LAMA3: variants seen among roughly 807,000 people sequenced by gnomAD.
LAMA3 encodes the protein laminin subunit alpha 3.
A neutral mutation model predicts 402.0 loss-of-function variants in LAMA3; 281 were observed. The observed-to-expected ratio is 0.70, with a 90% CI of 0.63 to 0.77. LAMA3 has a LOEUF of 0.77. Ranked by LOEUF, LAMA3 falls within the 30% of genes least tolerant of loss-of-function variation. The probability of loss-of-function intolerance (pLI) is 0.00; values close to 1 mark genes in which losing one functional copy is unlikely to be tolerated. For synonymous variants in LAMA3, 1,431 were observed against 1,558.4 expected, an observed-to-expected ratio of 0.92 and a Z score of 1.93; for missense variants, 3,840 against 4,215.5, an observed-to-expected ratio of 0.91 and a Z score of 2.47.
At chr18:23,923,661 G>C (rs2081918429) in intron 62 of LAMA3, among the ~76,000 whole-genome samples, 1 of 152,210 alleles carries the variant, frequency 6.6e-6, no homozygotes, top group Admixed American at 6.5e-5. Context: ...CCTCCAGAAA[G>C]GAGGCCAGTC....
At chr18:23,946,089 C>G in intron 69 of LAMA3, 55 bp from the exon 70 acceptor site, 1 of 1,542,454 alleles carries the variant, frequency 6.5e-7, no homozygotes, top group Non-Finnish European at 9.0e-7. Context: ...TAATAAAATA[C>G]AACACCAATT....
In LAMA3 at chr18:23,912,711, G is replaced by T. The variant is rs899140089; in HGVS notation, c.7159G>T (p.Val2387Phe). 6.2e-6 allele frequency: 10 copies of T among 1,613,858 alleles called. No individual in the cohort carries two copies. The Admixed American group carries it at 1.3e-4, about 22-fold the overall frequency. Reference protein sequence around the residue: ...IQQARDAASKVAVPMRFNGKS... With the variant: ...IQQARDAASKFAVPMRFNGKS... ...ACACCATGTAACTTACTCCTCACAG[G>T]TTGCTGTCCCCATGAGGTTCAATGG... The change falls in exon 56 of 75, where the codon GTT becomes TTT. Residue 2387 changes from valine (V) to phenylalanine (F), a missense_variant and splice_region_variant. By Grantham distance (50) the Val-to-Phe change is conservative. Around this residue, in one of 3 missense-constraint regions of LAMA3, gnomAD observed 891 missense variants for 857.5 expected, o/e 1.04. Coordinates refer to ENST00000313654, the MANE Select transcript of LAMA3 (RefSeq NM_198129.4).
At chr18:23,705,274 CTTTA>C (rs1456716709) in intron 1 of LAMA3, among the ~76,000 whole-genome samples, 6 of 152,050 alleles carry the variant, frequency 3.9e-5, no homozygotes, top group African/African-American at 1.4e-4. Context: ...TTTTGCCCTG[CTTTA>C]TTTATTTATG....
At chr18:23,733,012 A>G (rs1275641065) in intron 2 of LAMA3, among the ~76,000 whole-genome samples, 1 of 151,882 alleles carries the variant, frequency 6.6e-6, no homozygotes, top group African/African-American at 2.4e-5. Context: ...CTGCCCACTT[A>G]TCCTCTCTTG....
At chr18:23,717,655 T>A (rs1412232856) in intron 2 of LAMA3, among the ~76,000 whole-genome samples, 1 of 144,636 alleles carries the variant, frequency 6.9e-6, no homozygotes, top group African/African-American at 2.6e-5. Flanking sequence ...CAGGTTCAAG[T>A]GATTGCCTTA....
At chr18:23,943,481 T>A (rs2082595798) in intron 68 of LAMA3, among the ~76,000 whole-genome samples, 1 of 152,218 alleles carries the variant, frequency 6.6e-6, no homozygotes. Context: ...ATGGACTTTT[T>A]ATAAAAGATT....
At chr18:23,856,758 A>G (rs1208030844) in intron 32 of LAMA3, among the ~76,000 whole-genome samples, 1 of 151,968 alleles carries the variant, frequency 6.6e-6, no homozygotes, top group African/African-American at 2.4e-5. Context: ...CCAAGCAGGG[A>G]AATTGGGAGT....
intron 2 of LAMA3, among the ~76,000 whole-genome samples, chr18:23,734,422 C>T (rs1299322023): frequency 2.6e-5 from 4 of 152,230 alleles, no homozygotes; most frequent in African/African-American, 9.6e-5. Context: ...CTTCAGTACA[C>T]ATGGGGCATG....
At chr18:23,875,661 C>T (rs1427307718) in intron 38 of LAMA3, among the ~76,000 whole-genome samples, 1 of 152,178 alleles carries the variant, frequency 6.6e-6, no homozygotes, top group Non-Finnish European at 1.5e-5. Context: ...CCCCACAACC[C>T]ACTACTCCTA....
intron 32 of LAMA3, among the ~76,000 whole-genome samples, chr18:23,856,137 T>A (rs1360961396): frequency 6.6e-6 from 1 of 152,220 alleles, no homozygotes; most frequent in African/African-American, 2.4e-5. Flanking sequence ...TTGCCCAAGG[T>A]CCAGTAAGTG....
At chr18:23,775,190 A>T (rs570963588) in intron 9 of LAMA3, among the ~76,000 whole-genome samples, 3 of 152,236 alleles carry the variant, frequency 2.0e-5, no homozygotes, top group Admixed American at 2.0e-4. Context: ...TGGGAGGTCG[A>T]CAATCTTCTT....
At chr18:23,877,685 T>C (rs1303617949) in intron 39 of LAMA3, among the ~76,000 whole-genome samples, 2 of 152,228 alleles carry the variant, frequency 1.3e-5, no homozygotes, top group East Asian at 1.9e-4. Flanking sequence ...TTTTGTTGGA[T>C]TGTAATCTTA....
chr18:23,856,012 A>T (rs914547758), intron 32 of LAMA3, among the ~76,000 whole-genome samples: 2 of 152,226 alleles, frequency 1.3e-5, no homozygotes, highest in Non-Finnish European at 2.9e-5. Flanking sequence ...CGTGTGTGCA[A>T]GCAACTCCTG....
chr18:23,898,995 T>C lies in LAMA3; in HGVS notation c.5766T>C (p.Asn1922=), dbSNP rs144095945. ...GAAAAGCACAAACATTAAACAACAA[T>C]GTTAATCGGGCAACACAAAGCGCAA... ...NSRKAQTLNN[N]VNRATQSAKE... Residue 1922 remains asparagine, a synonymous_variant, in exon 46 of 75, where the codon AAT becomes AAC. Transcript: ENST00000313654. 5.6e-6 allele frequency: 9 copies of C among 1,614,072 alleles called. No individual in the cohort carries two copies. The highest frequency in any genetic ancestry group is 3.3e-5 in the Admixed American group (2 of 60,022).
At chr18:23,765,817 T>TA (rs1463809445) in intron 8 of LAMA3, among the ~76,000 whole-genome samples, 2 of 151,974 alleles carry the variant, frequency 1.3e-5, no homozygotes, top group South Asian at 2.1e-4. Context: ...ATATGTTAAA[T>TA]AAAAAATCCA....
At chr18:23,904,431 T>C in intron 50 of LAMA3, 122 bp from the exon 51 acceptor site, 1 of 1,191,780 alleles carries the variant, frequency 8.4e-7, no homozygotes, top group East Asian at 2.5e-5. Flanking sequence ...TTTTGTTTTT[T>C]TCCATTTCTT....
intron 68 of LAMA3, among the ~76,000 whole-genome samples, chr18:23,940,191 AGAT>A: frequency 6.6e-6 from 1 of 152,312 alleles, no homozygotes; most frequent in South Asian, 2.1e-4. Context: ...GAGAGCCCGC[AGAT>A]GGCTGTGGGC....
At chr18:23,950,373 C>A (rs1423154392) in intron 72 of LAMA3, among the ~76,000 whole-genome samples, 1 of 152,156 alleles carries the variant, frequency 6.6e-6, no homozygotes, top group Non-Finnish European at 1.5e-5. Flanking sequence ...TCAAACAAGT[C>A]GGGCTGAATT....
At chr18:23,936,346 G>C (rs943628195) in intron 67 of LAMA3, among the ~76,000 whole-genome samples, 1 of 150,760 alleles carries the variant, frequency 6.6e-6, no homozygotes. Flanking sequence ...CCATTAACTC[G>C]TCATTTACAT....
Sources: gnomAD v4.1 joint callset for allele counts (sites outside exome capture counted in the v4.1 genomes callset) on GRCh38, gnomAD v4.1.1 for gene constraint, gnomAD v4.1.1 regional missense constraint, MANE v1.5 for transcripts, NCBI Gene and HGNC (gene_info 2026-07-23, HGNC 2026-07-21) for gene names.